Variants in KIF7 observed in about 807,000 individuals in gnomAD.
KIF7 encodes the protein kinesin-like protein KIF7.
A neutral mutation model predicts 135.7 loss-of-function variants in KIF7; 104 were observed. The observed-to-expected ratio is 0.77, with a 90% confidence interval of 0.65 to 0.90. KIF7 has a LOEUF of 0.90. Ranked by LOEUF, KIF7 falls within the 40% of genes least tolerant of loss-of-function variation. KIF7 has a pLI of 0.00. For missense variants in KIF7, 2,005 were observed against 1,839.1 expected, an observed-to-expected ratio of 1.09 and a Z score of -1.65; for synonymous variants, 883 against 809.4, an observed-to-expected ratio of 1.09 and a Z score of -1.54.
At chr15:89,636,250 C>T (rs1285306550) in intron 11 of KIF7, among the ~76,000 whole-genome samples, 1 of 151,524 alleles carries the variant, frequency 6.6e-6, no homozygotes, top group African/African-American at 2.4e-5. Context: ...ACCATCGAGA[C>T]TAGGAAGAAA....
rs372882880 is a variant in KIF7, at chr15:89,645,052, G to T, written c.2152C>A (p.Arg718Ser). ...TCGCCAATAAGCTCCTCCTTCATGC[G>T]GATGTTGATAGCCAGCTCCCGGATC... ...QKIRELAINIRMKEELIGELV... is the reference protein window; with the variant it reads ...QKIRELAINISMKEELIGELV... Residue 718 changes from arginine (R) to serine (S), a missense_variant, in exon 10 of 19, where the codon CGC becomes AGC. Transcript: ENST00000394412. 1 of 1,607,442 alleles carries T rather than the reference G, an allele frequency of 6.2e-7. No individual in the cohort carries two copies. The highest frequency in any genetic ancestry group is 8.5e-7 in the Non-Finnish European group (1 of 1,179,994).
At chr15:89,621,656 A>G in intron 1 of KIF7, 1 of 901,196 alleles carries the variant, frequency 1.1e-6, no homozygotes, top group South Asian at 1.8e-5. Context: ...TGACCTCTAG[A>G]TAATACTAGA....
rs77474187 is a variant in KIF7, at chr15:89,630,409, G to A, written c.3196C>T (p.Arg1066Cys). ...GCTGAGGCCCGAAGCACCCGCTGGCGGCATGTGATGGCCTCATTCTTATAC... is the reference window on the plus strand; with the variant it reads ...GCTGAGGCCCGAAGCACCCGCTGGCAGCATGTGATGGCCTCATTCTTATAC... ...IEYKNEAITCRQRVLRASASL... is the reference protein window; with the variant it reads ...IEYKNEAITCCQRVLRASASL... Residue 1066 changes from arginine to cysteine, a missense_variant, in exon 16 of 19, where the codon CGC becomes TGC. By Grantham distance (180) the Arg-to-Cys change is radical. Coordinates refer to ENST00000394412, the MANE Select transcript of KIF7 (RefSeq NM_198525.3). 5.2e-5 allele frequency: 84 copies of A among 1,609,156 alleles called. No homozygotes were observed. Among genetic ancestry groups the A allele is most frequent in the African/African-American group, 2.0e-4 (15 of 75,006 alleles).
At chr15:89,640,270 T>C (rs976950207) in intron 11 of KIF7, among the ~76,000 whole-genome samples, 1 of 150,662 alleles carries the variant, frequency 6.6e-6, no homozygotes, top group Non-Finnish European at 1.5e-5. Context: ...TGTGCACATG[T>C]ACCCTAAAAC....
downstream of KIF7, chr15:89,625,791 G>A (rs749817364): frequency 1.3e-6 from 2 of 1,589,886 alleles, no homozygotes; most frequent in African/African-American, 1.4e-5. Context: ...TTTCCGGTGA[G>A]TTCGTTTTTG....
intron 2 of KIF7, among the ~76,000 whole-genome samples, chr15:89,651,794 A>C (rs1446300889): frequency 2.0e-5 from 3 of 152,206 alleles, no homozygotes; most frequent in Admixed American, 2.0e-4. Flanking sequence ...CACATGTAGA[A>C]ATCCTTACCT....
intron 14 of KIF7, among the ~76,000 whole-genome samples, chr15:89,632,230 T>C (rs772366964): frequency 6.6e-6 from 1 of 152,154 alleles, no homozygotes; most frequent in Non-Finnish European, 1.5e-5. Context: ...CCCAAGCCCC[T>C]GTACTGGAAC....
intron 1 of KIF7, among the ~76,000 whole-genome samples, chr15:89,654,429 C>T (rs1228051657): frequency 1.3e-5 from 2 of 152,102 alleles, no homozygotes; most frequent in Admixed American, 6.5e-5. Context: ...CTGCCTGCAA[C>T]GGCTAGGTGT....
At chr15:89,627,811 C>T (rs955635933), downstream of KIF7, 4 of 152,468 alleles carry the variant, frequency 2.6e-5, no homozygotes, top group Non-Finnish European at 5.9e-5. Flanking sequence ...CCCACAGACC[C>T]GCTGGACCAG....
chr15:89,624,775 G>C (rs757505811), downstream of KIF7: 1 of 1,614,226 alleles, frequency 6.2e-7, no homozygotes, highest in Admixed American at 1.7e-5. Context: ...GGAAGAGGGT[G>C]AGGGGCTAAG....
chr15:89,658,428 T>A, upstream of KIF7, among the ~76,000 whole-genome samples: 1 of 151,536 alleles, frequency 6.6e-6, no homozygotes, highest in Non-Finnish European at 1.5e-5. Flanking sequence ...CCAGCCTGGA[T>A]GACAGAGACC....
At position 89,633,787 on chromosome 15, in the gene KIF7, T is replaced by A; in HGVS notation, c.2491A>T (p.Met831Leu). 1 of 1,611,850 alleles carries A rather than the reference T, an allele frequency of 6.2e-7. No homozygotes were observed. The highest frequency in any genetic ancestry group is 8.5e-7 in the Non-Finnish European group (1 of 1,179,764). Residue 831 changes from methionine to leucine, a missense_variant, in exon 12 of 19, where the codon ATG becomes TTG. Transcript: ENST00000394412. The part of the protein sequence containing the change: ...LQELERNVQL[M>L]RQQQGQLQRR... The stretch of plus-strand genomic sequence containing the variant: ...TGCAGCTGTCCCTGCTGCTGCCGCA[T>A]GAGCTGCACGTTCCGCTCGAGCTCC...
downstream of KIF7, chr15:89,627,247 A>G (rs754970874): frequency 3.4e-5 from 28 of 815,580 alleles, no homozygotes; most frequent in Non-Finnish European, 5.1e-5. Flanking sequence ...GATCCAATCC[A>G]TCTCCTGGCC....
At chr15:89,627,101 G>A (rs1441217961), downstream of KIF7, 4 of 1,613,634 alleles carry the variant, frequency 2.5e-6, no homozygotes, top group Middle Eastern at 1.7e-4. Context: ...AAACATTACT[G>A]AGCCCAAAAG....
chr15:89,619,184 C>G (rs1049111189), intron 1 of KIF7, among the ~76,000 whole-genome samples: 1 of 151,186 alleles, frequency 6.6e-6, no homozygotes, highest in Non-Finnish European at 1.5e-5. Flanking sequence ...CATACGAAAC[C>G]TAACATAAAT....
chr15:89,630,633 G>T (rs1051068500), intron 15 of KIF7, 140 bp from the exon 16 acceptor site: 3 of 729,232 alleles, frequency 4.1e-6, no homozygotes, highest in Admixed American at 2.0e-5. Context: ...AGCCCATCGA[G>T]AGAGGTGCCC....
Position 89,649,363 on chromosome 15 carries a change from C to A in KIF7, c.534G>T (p.Leu178=). Residue 178 remains leucine (L), a synonymous_variant, in exon 4 of 19, where the codon CTG becomes CTT. Transcript: ENST00000394412. ...LREDERGNVV[L]CGVKEVDVEG... ...CCACGTCGACCTCCTTCACCCCGCA[C>A]AGCACTGCGGGCACAGAAGGCCGTG... The A allele has an allele frequency of 2.1e-6, 3 of 1,457,432 alleles. No individual in the cohort carries two copies. The highest frequency in any genetic ancestry group is 1.8e-6 in the Non-Finnish European group (2 of 1,102,054). The allele number at this position is 1,457,432 out of a possible 1,614,324, so 90.3% of individuals were successfully genotyped here.
At chr15:89,629,796 A>AACCCTTTCCTAGCCACAC in intron 16 of KIF7, 4 of 618,236 alleles carry the variant, frequency 6.5e-6, no homozygotes, top group Non-Finnish European at 1.1e-5. Flanking sequence ...CTCTGCCACA[A>AACCCTTTCCTAGCCACAC]ACCCTTTCCT....
At chr15:89,653,273 A>G (rs1368817794) in intron 1 of KIF7, among the ~76,000 whole-genome samples, 10 of 152,172 alleles carry the variant, frequency 6.6e-5, no homozygotes, top group African/African-American at 2.4e-4. Context: ...GCACACACAC[A>G]GCACCACACC....
Sources: gnomAD v4.1 joint callset for allele counts (sites outside exome capture counted in the v4.1 genomes callset) on GRCh38, gnomAD v4.1.1 for gene constraint, MANE v1.5 for transcripts, NCBI Gene and HGNC (gene_info 2026-07-23, HGNC 2026-07-21) for gene names.